Variants in PCYT1A observed in about 807,000 individuals in gnomAD.
The protein encoded by PCYT1A is phosphate cytidylyltransferase 1A, choline.
In PCYT1A, 25 loss-of-function variants were observed where a neutral mutation model predicts 43.7. The observed-to-expected ratio is 0.57, with a 90% confidence interval of 0.42 to 0.80. The LOEUF is 0.80. Ranked by LOEUF, PCYT1A falls within the 30% of genes least tolerant of loss-of-function variation. The probability of loss-of-function intolerance (pLI) is 0.00; values close to 1 mark genes in which losing one functional copy is unlikely to be tolerated. For missense variants in PCYT1A, 421 were observed against 474.2 expected (o/e 0.89, Z 1.04); for synonymous variants, 172 against 170.7 (o/e 1.01, Z -0.06).
At chr3:196,263,702 G>A (rs1283505727) in intron 2 of PCYT1A, among the ~76,000 whole-genome samples, 2 of 151,972 alleles carry the variant, frequency 1.3e-5, no homozygotes, top group African/African-American at 4.8e-5. Flanking sequence ...GCGCGATCTC[G>A]GCTCACTGCA....
At chr3:196,248,075 G>A in intron 4 of PCYT1A, 132 bp downstream of exon 4, 3 of 670,612 alleles carry the variant, frequency 4.5e-6, no homozygotes, top group Non-Finnish European at 5.4e-6. Context: ...TATACTTCAT[G>A]TGTGTTAGAG....
At chr3:196,283,544 A>G (rs1725827203) in intron 1 of PCYT1A, 1 of 152,174 alleles carries the variant, frequency 6.6e-6, no homozygotes, top group Non-Finnish European at 1.5e-5. Context: ...ACATGCTGCA[A>G]ACGTAAAAAG....
chr3:196,269,428 T>C (rs907252885), intron 2 of PCYT1A, among the ~76,000 whole-genome samples: 1 of 152,344 alleles, frequency 6.6e-6, no homozygotes, highest in Non-Finnish European at 1.5e-5. Context: ...CATACAATTC[T>C]GTCACTGGGA....
Position 196,237,729 on chromosome 3 carries a change from C to T in PCYT1A, c.*959G>A, listed in dbSNP as rs1577351207. The T allele has an allele frequency of 6.6e-6, 1 of 152,128 alleles. No individual in the cohort carries two copies. The highest frequency in any genetic ancestry group is 1.5e-5 in the Non-Finnish European group (1 of 68,026). 9.4% of individuals were successfully genotyped at this position (152,128 alleles called of 1,614,324 possible). A position where few individuals can be genotyped will look rare whatever the true frequency, so the allele number is the denominator to read the frequency against. On this transcript the variant is annotated 3_prime_UTR_variant, in exon 9 of 9. Transcript: ENST00000431016. ...CAACAGCAGACATTTACAAAGTATCCTTTGTAAAAGGCTAGGTAATATTAA... is the reference window on the plus strand; with the variant it reads ...CAACAGCAGACATTTACAAAGTATCTTTTGTAAAAGGCTAGGTAATATTAA...
intron 3 of PCYT1A, chr3:196,251,501 C>T (rs1033642165): frequency 3.9e-5 from 6 of 152,818 alleles, no homozygotes; most frequent in Admixed American, 1.3e-4. Context: ...AGATTTTAAA[C>T]CAAGAAATCA....
At chr3:196,244,325 G>A (rs898962727) in intron 5 of PCYT1A, among the ~76,000 whole-genome samples, 7 of 144,760 alleles carry the variant, frequency 4.8e-5, no homozygotes, top group East Asian at 4.3e-4. Context: ...AGTGAGGAGC[G>A]CCTCCTCCCC....
At chr3:196,270,585 G>A in intron 1 of PCYT1A, 44 bp from the exon 2 acceptor site, 3 of 1,265,590 alleles carry the variant, frequency 2.4e-6, no homozygotes, top group Non-Finnish European at 3.5e-6. Flanking sequence ...ATTGGGGTGG[G>A]AAAAAGTTTG....
At chr3:196,263,604 G>C (rs1725178944) in intron 2 of PCYT1A, among the ~76,000 whole-genome samples, 1 of 152,110 alleles carries the variant, frequency 6.6e-6, no homozygotes. Flanking sequence ...GAACAGAGCT[G>C]AAAGATTCCA....
In PCYT1A at chr3:196,257,817, G is replaced by A; in HGVS notation, c.188C>T (p.Thr63Ile). 1 of 1,611,104 alleles carries A rather than the reference G, an allele frequency of 6.2e-7. No individual in the cohort carries two copies. The highest frequency in any genetic ancestry group is 8.5e-7 in the Non-Finnish European group (1 of 1,177,370). The change falls in exon 3 of 9, where the codon ACT becomes ATT. Residue 63 changes from threonine to isoleucine, a missense_variant. Physicochemically the swap from Thr to Ile is moderately conservative, Grantham distance 89. Coordinates refer to ENST00000431016, the MANE Select transcript of PCYT1A (RefSeq NM_001312673.2). ...VDFSKPYVRV[T>I]MEEASRGTPC... ...AGTTCCTCTGCTGGCTTCTTCCATA[G>A]TTACCCTGACATAGGGCTTACTAAA...
At chr3:196,269,148 T>C (rs1010313679) in intron 2 of PCYT1A, among the ~76,000 whole-genome samples, 5 of 152,246 alleles carry the variant, frequency 3.3e-5, no homozygotes, top group Non-Finnish European at 2.9e-5. Context: ...AACTGTAAGA[T>C]AATTCATTTG....
At chr3:196,253,823 C>T (rs1301910157) in intron 3 of PCYT1A, among the ~76,000 whole-genome samples, 1 of 152,026 alleles carries the variant, frequency 6.6e-6, no homozygotes, top group Non-Finnish European at 1.5e-5. Context: ...GTTAGCCATT[C>T]TTTTACCAAG....
intron 2 of PCYT1A, among the ~76,000 whole-genome samples, chr3:196,266,239 G>A (rs1219447330): frequency 2.0e-5 from 3 of 151,632 alleles, no homozygotes; most frequent in Non-Finnish European, 2.9e-5. Context: ...TTGGGAGGTC[G>A]AGGCGGGCGG....
chr3:196,280,046 G>A (rs1045295652), intron 1 of PCYT1A, among the ~76,000 whole-genome samples: 2 of 151,886 alleles, frequency 1.3e-5, no homozygotes, highest in African/African-American at 4.8e-5. Context: ...GTTGAGGCTG[G>A]TCTTGAACTC....
At chr3:196,239,340 G>A (rs567507948) in intron 8 of PCYT1A, among the ~76,000 whole-genome samples, 1 of 152,244 alleles carries the variant, frequency 6.6e-6, no homozygotes, top group Non-Finnish European at 1.5e-5. Flanking sequence ...GGTTGAGAGA[G>A]AGCTGGCAAA....
intron 1 of PCYT1A, among the ~76,000 whole-genome samples, chr3:196,278,060 G>A (rs1331974164): frequency 6.6e-6 from 1 of 152,132 alleles, no homozygotes; most frequent in African/African-American, 2.4e-5. Flanking sequence ...TCTCCCTCAT[G>A]TTCCAATAGA....
chr3:196,274,337 G>A (rs1725526660), intron 1 of PCYT1A, among the ~76,000 whole-genome samples: 1 of 152,200 alleles, frequency 6.6e-6, no homozygotes, highest in African/African-American at 2.4e-5. Flanking sequence ...TCCATGGAGC[G>A]TGCAGCACAG....
rs1461709077 is a variant in PCYT1A at position 196,277,201 on chromosome 3, G to A, written c.-10-6660C>T. On this transcript the variant is annotated intron_variant, in intron 1 of 8. Transcript: ENST00000431016. This position sits in a 1 kb window ranked among gnomAD's most constrained non-coding sequence, Gnocchi z 4.1. ...GCCAAGATCATGCCATTGCACTCCA[G>A]CCTGGGTGACAAGAGTGAGACTCCA... Among the ~76,000 whole-genome samples, 5 of 152,142 alleles carry A rather than the reference G, an allele frequency of 3.3e-5. No homozygotes were observed. Among genetic ancestry groups the A allele is most frequent in the African/African-American group, 9.7e-5 (4 of 41,422 alleles).
intron 1 of PCYT1A, among the ~76,000 whole-genome samples, chr3:196,279,286 CAAA>C (rs532624855): frequency 9.2e-6 from 1 of 108,564 alleles, no homozygotes. Context: ...GAAACTCTAT[CAAA>C]AAAAAAAAAA....
intron 2 of PCYT1A, among the ~76,000 whole-genome samples, chr3:196,258,649 G>A (rs950848048): frequency 1.4e-4 from 21 of 150,398 alleles, no homozygotes; most frequent in African/African-American, 2.2e-4. Flanking sequence ...GTGCACTGGC[G>A]CCATTTCAGC....
Sources: gnomAD v4.1 joint callset for allele counts (sites outside exome capture counted in the v4.1 genomes callset) on GRCh38, gnomAD v4.1.1 for gene constraint, Gnocchi (gnomAD v3.1) non-coding constraint, MANE v1.5 for transcripts, NCBI Gene and HGNC (gene_info 2026-07-23, HGNC 2026-07-21) for gene names.